The following MAP3K4 variants were observed in gnomAD, a reference collection of about 807,000 sequenced individuals.
MAP3K4 encodes the protein MAP three kinase 1.
In MAP3K4, 67 loss-of-function variants were observed where a neutral mutation model predicts 185.6. That is an observed-to-expected ratio of 0.36 (90% CI 0.30 to 0.44). The LOEUF (loss-of-function observed/expected upper bound fraction) is 0.44. Ranked by LOEUF, MAP3K4 falls within the 20% of genes least tolerant of loss-of-function variation. The pLI, the probability that MAP3K4 is intolerant of heterozygous loss-of-function variation, is 1.00. For missense variants in MAP3K4, 1,551 were observed against 1,995.1 expected (o/e 0.78, Z 4.24); for synonymous variants, 702 against 710.4 (o/e 0.99, Z 0.19).
chr6:161,105,682 A>T, intron 19 of MAP3K4, among the ~76,000 whole-genome samples: 1 of 152,216 alleles, frequency 6.6e-6, no homozygotes, highest in Non-Finnish European at 1.5e-5. Flanking sequence ...AAGTAATGGA[A>T]GTGAAAAGTA....
chr6:161,101,854 T>C lies in MAP3K4; in HGVS notation c.3675-38T>C, dbSNP rs1036676095. The C allele has an allele frequency of 6.6e-7, 1 of 1,512,360 alleles. No individual in the cohort carries two copies. The highest frequency in any genetic ancestry group is 9.2e-7 in the Non-Finnish European group (1 of 1,089,626). The allele number at this position is 1,512,360 out of a possible 1,614,324, so 93.7% of individuals were successfully genotyped here. On this transcript the variant is annotated intron_variant, in intron 17 of 26. Coordinates refer to ENST00000392142, the MANE Select transcript of MAP3K4 (RefSeq NM_005922.4). This position sits in a 1 kb window ranked among gnomAD's most constrained non-coding sequence, Gnocchi z 5.1. ...CGCAGATCTTTCATTTTAAGTTCTA[T>C]TGAATTGATAGCTCAATTATTAAAA...
chr6:160,999,429 C>G (rs7775116), intron 1 of MAP3K4, among the ~76,000 whole-genome samples: 4,226 of 152,238 alleles, frequency 0.028, 132 homozygotes, highest in African/African-American at 0.076. Flanking sequence ...TTAGTTGTAT[C>G]TGTTAAGTAT....
rs755523253 is a variant in MAP3K4, at chr6:161,098,680, A to G, written c.3674+253A>G. Among the ~76,000 whole-genome samples, 10 of 152,236 alleles carry G rather than the reference A, an allele frequency of 6.6e-5. No individual in the cohort carries two copies. The highest frequency in any genetic ancestry group is 3.3e-4 in the Admixed American group (5 of 15,286). On this transcript the variant is annotated intron_variant, in intron 17 of 26. Coordinates refer to ENST00000392142, the MANE Select transcript of MAP3K4 (RefSeq NM_005922.4). The surrounding 1 kb of genome is among the most constrained non-coding windows in gnomAD (Gnocchi z 4.4). ...AAAATGACTAAAGACTTTGCGAAGA[A>G]TAACTTGATGGAGTATCATAGGAAA... is the stretch of plus-strand genomic sequence containing the variant.
At chr6:161,062,395 G>A (rs1489920192) in intron 3 of MAP3K4, among the ~76,000 whole-genome samples, 1 of 152,100 alleles carries the variant, frequency 6.6e-6, no homozygotes, top group Non-Finnish European at 1.5e-5. Flanking sequence ...TCAGGGTTGT[G>A]TGTGTGTAGA....
intron 18 of MAP3K4, 56 bp from the exon 19 acceptor site, chr6:161,102,643 C>T (rs544589612): frequency 3.8e-5 from 45 of 1,195,660 alleles, no homozygotes; most frequent in Non-Finnish European, 5.0e-5. Context: ...CAGTTGTTCT[C>T]AAATAAGCAT....
At position 161,098,605 on chromosome 6, in the gene MAP3K4, C is replaced by T. The variant is rs576334257; in HGVS notation, c.3674+178C>T. Among the ~76,000 whole-genome samples the T allele has an allele frequency of 6.6e-6, 1 of 152,160 alleles. No homozygotes were observed. The highest frequency in any genetic ancestry group is 2.4e-5 in the African/African-American group (1 of 41,414). On this transcript the variant is annotated intron_variant, in intron 17 of 26. Transcript: ENST00000392142. The surrounding 1 kb of genome is among the most constrained non-coding windows in gnomAD (Gnocchi z 4.4). ...CCAGAGGCTCTGGCACTGACCAACA[C>T]GAATGGATAACTGTCTGATGTCAGT...
Position 161,114,833 on chromosome 6 carries a change from G to A in MAP3K4, c.4627-290G>A, listed in dbSNP as rs1270382036. ...TTGGACTAAATAGTGCACCCCAAAT[G>A]GAGTAGGCAAACTATGCTGGCCACC... is the stretch of plus-strand genomic sequence containing the variant. On this transcript the variant is annotated intron_variant, in intron 25 of 26. Transcript: ENST00000392142. This position sits in a 1 kb window ranked among gnomAD's most constrained non-coding sequence, Gnocchi z 4.3. Among the ~76,000 whole-genome samples, 2 of 151,996 alleles carry A rather than the reference G, an allele frequency of 1.3e-5. No homozygotes were observed. Among genetic ancestry groups the A allele is most frequent in the African/African-American group, 4.8e-5 (2 of 41,374 alleles).
At chr6:161,033,534 A>G (rs1353213426) in intron 1 of MAP3K4, among the ~76,000 whole-genome samples, 5 of 71,378 alleles carry the variant, frequency 7.0e-5, no homozygotes, top group Non-Finnish European at 1.3e-4. Flanking sequence ...CTTTTACATC[A>G]TCCTTCTCCC....
rs1785075972 is a variant in MAP3K4, at chr6:161,074,367, C to G, written c.2097+755C>G. ...GCTTTTAACCTCTGTTCACATTCTT[C>G]TTTCCTGTTAGAAATGCCCCCTCCT... On this transcript the variant is annotated intron_variant, in intron 5 of 26. Transcript: ENST00000392142. The surrounding 1 kb of genome is among the most constrained non-coding windows in gnomAD (Gnocchi z 5.0). Among the ~76,000 whole-genome samples, 1 of 152,228 alleles carries G rather than the reference C, an allele frequency of 6.6e-6. No individual in the cohort carries two copies. Among genetic ancestry groups the G allele is most frequent in the East Asian group, 1.9e-4 (1 of 5,192 alleles).
intron 19 of MAP3K4, among the ~76,000 whole-genome samples, chr6:161,104,819 G>A (rs1245903237): frequency 2.0e-5 from 3 of 152,056 alleles, no homozygotes; most frequent in African/African-American, 4.8e-5. Context: ...CCCTGTGCTG[G>A]GTAGATTTGC....
At chr6:161,055,824 T>TA (rs1427036061) in intron 3 of MAP3K4, among the ~76,000 whole-genome samples, 1 of 152,200 alleles carries the variant, frequency 6.6e-6, no homozygotes, top group African/African-American at 2.4e-5. Context: ...CTCCAGGAGT[T>TA]ACTATTTTTT....
rs1014863321 is a variant in MAP3K4, at chr6:161,075,738, C to T, written c.2097+2126C>T. On this transcript the variant is annotated intron_variant, in intron 5 of 26. Transcript: ENST00000392142. This position sits in a 1 kb window ranked among gnomAD's most constrained non-coding sequence, Gnocchi z 4.3. Reference sequence around the variant, plus strand: ...GTGGAAGTCTAGGCTAAGTGACTTACCAACATTCACAGCTGGTTAGTTTTA... The same window carrying T: ...GTGGAAGTCTAGGCTAAGTGACTTATCAACATTCACAGCTGGTTAGTTTTA... Among the ~76,000 whole-genome samples, 1 of 152,146 alleles carries T rather than the reference C, an allele frequency of 6.6e-6. No individual in the cohort carries two copies. The highest frequency in any genetic ancestry group is 1.5e-5 in the Non-Finnish European group (1 of 68,034).
rs1343209490 is a variant in MAP3K4 at position 161,082,640 on chromosome 6, C to T, written c.2255+1602C>T. ...AAACACTGTTTCTCCCAGGGTCAGT[C>T]GGTGTTGGAATCAGCGCTGACTCCT... On this transcript the variant is annotated intron_variant, in intron 6 of 26. Transcript: ENST00000392142. The surrounding 1 kb of genome is among the most constrained non-coding windows in gnomAD (Gnocchi z 4.2). Among the ~76,000 whole-genome samples, 2 of 152,126 alleles carry T rather than the reference C, an allele frequency of 1.3e-5. No individual in the cohort carries two copies. The highest frequency in any genetic ancestry group is 1.5e-5 in the Non-Finnish European group (1 of 68,028).
At chr6:161,002,373 A>T (rs1781362352) in intron 1 of MAP3K4, among the ~76,000 whole-genome samples, 1 of 152,306 alleles carries the variant, frequency 6.6e-6, no homozygotes, top group East Asian at 1.9e-4. Flanking sequence ...GCCACTGCCT[A>T]AGAAAAATGA....
At chr6:160,997,358 TC>T (rs1023319125) in intron 1 of MAP3K4, among the ~76,000 whole-genome samples, 18 of 152,300 alleles carry the variant, frequency 1.2e-4, no homozygotes, top group African/African-American at 4.3e-4. Flanking sequence ...AATATTGTGT[TC>T]AAAAAGGATC....
intron 19 of MAP3K4, among the ~76,000 whole-genome samples, chr6:161,104,077 G>A (rs1176928773): frequency 2.0e-5 from 3 of 152,116 alleles, no homozygotes; most frequent in South Asian, 2.1e-4. Context: ...GGAACCACTT[G>A]GAATTATGTT....
chr6:161,050,524 C>A (rs779804848), intron 3 of MAP3K4, among the ~76,000 whole-genome samples: 1 of 152,086 alleles, frequency 6.6e-6, no homozygotes, highest in East Asian at 1.9e-4. Context: ...TTAAAGTGTT[C>A]GGTGCAGGTG....
rs1319111686 is a variant in MAP3K4, at chr6:161,093,938, A to G, written c.3427+87A>G. ...TGTAATTGCAGTCGTTTAAAATGGT[A>G]TAAGAGGTGTTTTAACAGTATTCAG... On this transcript the variant is annotated intron_variant, in intron 15 of 26. Transcript: ENST00000392142. The surrounding 1 kb of genome is among the most constrained non-coding windows in gnomAD (Gnocchi z 5.2). 18 of 1,007,274 alleles carry G rather than the reference A, an allele frequency of 1.8e-5. No homozygotes were observed. Among genetic ancestry groups the G allele is most frequent in the Non-Finnish European group, 2.8e-5 (18 of 647,954 alleles). 62.4% of individuals were successfully genotyped at this position (1,007,274 alleles called of 1,614,324 possible).
In MAP3K4 at chr6:161,076,388, CA is replaced by C. The variant is rs1785179811; in HGVS notation, c.2097+2778del. Among the ~76,000 whole-genome samples, 1 of 152,178 alleles carries C rather than the reference CA, an allele frequency of 6.6e-6. No individual in the cohort carries two copies. Among genetic ancestry groups the C allele is most frequent in the Non-Finnish European group, 1.5e-5 (1 of 68,038 alleles). ...CAGGGGGAGGGGAAGCAGTGATTAG[CA>C]AGTTATGATGCAGAAATTCTGTGAC... On this transcript the variant is annotated intron_variant, in intron 5 of 26. Coordinates refer to ENST00000392142, the MANE Select transcript of MAP3K4 (RefSeq NM_005922.4). The surrounding 1 kb of genome is among the most constrained non-coding windows in gnomAD (Gnocchi z 4.2).
Sources: gnomAD v4.1 joint callset for allele counts (sites outside exome capture counted in the v4.1 genomes callset) on GRCh38, gnomAD v4.1.1 for gene constraint, Gnocchi (gnomAD v3.1) non-coding constraint, MANE v1.5 for transcripts, NCBI Gene and HGNC (gene_info 2026-07-23, HGNC 2026-07-21) for gene names.